Variants in ESRRG observed in about 807,000 individuals in gnomAD.
ESRRG encodes the protein estrogen related receptor gamma, also known as estrogen-related receptor gamma.
Under a neutral mutation model 44.0 loss-of-function variants are expected in ESRRG, and 13 were observed. The observed-to-expected ratio is 0.30, with a 90% CI of 0.19 to 0.47. The LOEUF (loss-of-function observed/expected upper bound fraction) is 0.47, where lower values mean the gene tolerates loss of function less well. Ranked by LOEUF, ESRRG falls within the 20% of genes least tolerant of loss-of-function variation. ESRRG has a pLI of 1.00. For synonymous variants in ESRRG, 215 were observed against 214.6 expected (o/e 1.00, Z -0.02); for missense variants, 395 against 580.6 (o/e 0.68, Z 3.29).
At chr1:217,118,416 T>A (rs2092768361) in intron 1 of ESRRG, among the ~76,000 whole-genome samples, 1 of 152,108 alleles carries the variant, frequency 6.6e-6, no homozygotes, top group Admixed American at 6.5e-5. Flanking sequence ...CTCTATCTAG[T>A]CCTGCTTGCC....
intron 1 of ESRRG, among the ~76,000 whole-genome samples, chr1:217,006,542 C>T (rs1351501223): frequency 6.6e-6 from 1 of 151,960 alleles, no homozygotes; most frequent in Non-Finnish European, 1.5e-5. Context: ...ATCCCTTTTC[C>T]AAAATGCCTG....
chr1:217,036,985 T>A (rs1360104045), intron 1 of ESRRG, among the ~76,000 whole-genome samples: 2 of 152,128 alleles, frequency 1.3e-5, no homozygotes, highest in Non-Finnish European at 2.9e-5. Context: ...AGAATCTCTC[T>A]TCCCAGGCCA....
rs954413165 is a variant in ESRRG at position 216,505,724 on chromosome 1, T to C, written c.*1215A>G. 1.8e-4 allele frequency: 27 copies of C among 152,562 alleles called. No individual in the cohort carries two copies. The highest frequency in any genetic ancestry group is 7.2e-5 in the African/African-American group (3 of 41,418). 9.5% of individuals were successfully genotyped at this position (152,562 alleles called of 1,614,324 possible). A position where few individuals can be genotyped will look rare whatever the true frequency, so the allele number is the denominator to read the frequency against. ...ATCTCATCCTTTGTGTCAGTGAACA[T>C]TTAGGTAAACTGGAGCTCATGTTAA... On this transcript the variant is annotated 3_prime_UTR_variant, in exon 7 of 7. Transcript: ENST00000408911.
chr1:216,977,224 T>C (rs909768566), intron 1 of ESRRG, among the ~76,000 whole-genome samples: 4 of 151,868 alleles, frequency 2.6e-5, no homozygotes, highest in African/African-American at 9.7e-5. Flanking sequence ...TACTCTAGGG[T>C]ATTGGACCTA....
rs184656242 is a variant in ESRRG, at chr1:216,998,716, C to T, written c.-105-59043G>A. Among the ~76,000 whole-genome samples the T allele has an allele frequency of 2.0e-3, 312 of 152,290 alleles. 1 individual carries two copies. The highest frequency in any genetic ancestry group is 7.1e-3 in the African/African-American group (297 of 41,560). ...AGAGATAATTAGAAATATTCCTTCA[C>T]ACAGCGTGAAATAAAATTCTATATC... On this transcript the variant is annotated intron_variant, in intron 1 of 7. Transcript: ENST00000359162.
At chr1:216,531,494 C>T (rs2049367363) in intron 5 of ESRRG, among the ~76,000 whole-genome samples, 7 of 152,094 alleles carry the variant, frequency 4.6e-5, no homozygotes, top group Non-Finnish European at 1.5e-5. Context: ...ATAGAGGCAA[C>T]CCCTTCGATT....
intron 1 of ESRRG, among the ~76,000 whole-genome samples, chr1:217,115,705 C>A (rs1203008735): frequency 6.6e-6 from 1 of 152,128 alleles, no homozygotes; most frequent in Non-Finnish European, 1.5e-5. Context: ...TCTGCCTGAT[C>A]CAGATTTCAC....
At chr1:216,995,775 G>A (rs1292514158) in intron 1 of ESRRG, among the ~76,000 whole-genome samples, 1 of 152,112 alleles carries the variant, frequency 6.6e-6, no homozygotes, top group East Asian at 1.9e-4. Flanking sequence ...AATAAATGAG[G>A]TCAGAATTTT....
At chr1:216,654,086 G>T (rs565639239) in intron 2 of ESRRG, among the ~76,000 whole-genome samples, 1 of 150,792 alleles carries the variant, frequency 6.6e-6, no homozygotes, top group South Asian at 2.1e-4. Context: ...TCATGCCACT[G>T]CACTCCAGCC....
chr1:217,050,478 G>A lies in ESRRG; in HGVS notation c.-106+39029C>T, dbSNP rs192029553. On this transcript the variant is annotated intron_variant, in intron 1 of 7. Transcript: ENST00000359162. ...GCCAGGCATTCTGCACGTGAGTGAA[G>A]ACTTACCTGGAGGTTATTGGTGGAG... is the stretch of plus-strand genomic sequence containing the variant. Among the ~76,000 whole-genome samples the A allele has an allele frequency of 2.0e-4, 30 of 152,282 alleles. No individual in the cohort carries two copies. The East Asian group carries it at 5.2e-3, about 27-fold the overall frequency.
chr1:216,610,834 G>A (rs966659172), intron 3 of ESRRG, among the ~76,000 whole-genome samples: 3 of 152,024 alleles, frequency 2.0e-5, no homozygotes, highest in Non-Finnish European at 4.4e-5. Context: ...TGAGAAAAAA[G>A]GAAAGGAAAC....
chr1:216,702,433 T>G (rs1559309567), intron 1 of ESRRG, among the ~76,000 whole-genome samples: 1 of 151,886 alleles, frequency 6.6e-6, no homozygotes, highest in African/African-American at 2.4e-5. Flanking sequence ...AACAAATACA[T>G]GTTTTATGTG....
At position 216,696,354 on chromosome 1, in the gene ESRRG, C is replaced by T. The variant is rs766718502; in HGVS notation, c.57-18863G>A. On this transcript the variant is annotated intron_variant, in intron 1 of 6. Transcript: ENST00000408911. ...ACTTAATATGTCAACTGTAGACATA[C>T]GTATGTTTAACACTTTAATCTTCTA... Among the ~76,000 whole-genome samples, 8 of 152,106 alleles carry T rather than the reference C, an allele frequency of 5.3e-5. No individual in the cohort carries two copies. The South Asian group carries it at 6.2e-4, about 12-fold the overall frequency.
intron 2 of ESRRG, among the ~76,000 whole-genome samples, chr1:216,818,962 G>C (rs2095227235): frequency 6.6e-6 from 1 of 152,110 alleles, no homozygotes; most frequent in Non-Finnish European, 1.5e-5. Context: ...TTCTATGGCT[G>C]CATAGTATTC....
At chr1:216,514,200 T>C (rs759871289) in intron 6 of ESRRG, among the ~76,000 whole-genome samples, 3 of 152,270 alleles carry the variant, frequency 2.0e-5, no homozygotes, top group Admixed American at 6.5e-5. Context: ...ATGTTTAAAA[T>C]TTAAGGGTTG....
At chr1:216,588,791 GAAGGGAAAC>G (rs1195542981) in intron 3 of ESRRG, among the ~76,000 whole-genome samples, 1 of 152,092 alleles carries the variant, frequency 6.6e-6, no homozygotes, top group Admixed American at 6.6e-5. Flanking sequence ...AATAGAAAAA[GAAGGGAAAC>G]AAGGAAAGCA....
intron 2 of ESRRG, among the ~76,000 whole-genome samples, chr1:216,817,338 CTG>C (rs1190349318): frequency 6.6e-6 from 1 of 152,036 alleles, no homozygotes; most frequent in Non-Finnish European, 1.5e-5. Flanking sequence ...TAATAGCATT[CTG>C]AAAAATGAAT....
intron 4 of ESRRG, among the ~76,000 whole-genome samples, chr1:216,564,905 T>A (rs2149551573): frequency 6.6e-6 from 1 of 152,154 alleles, no homozygotes; most frequent in East Asian, 1.9e-4. Context: ...TCTGCCTTGG[T>A]GAATTACTGA....
intron 2 of ESRRG, among the ~76,000 whole-genome samples, chr1:216,908,522 C>G (rs552658305): frequency 6.6e-6 from 1 of 152,204 alleles, no homozygotes; most frequent in East Asian, 1.9e-4. Flanking sequence ...TTTGCAGGAC[C>G]ATAATATAGG....
Sources: gnomAD v4.1 joint callset for allele counts (sites outside exome capture counted in the v4.1 genomes callset) on GRCh38, gnomAD v4.1.1 for gene constraint, MANE v1.5 for transcripts, NCBI Gene and HGNC (gene_info 2026-07-23, HGNC 2026-07-21) for gene names.